SLC25A48: variants seen among roughly 807,000 people sequenced by gnomAD.
SLC25A48 encodes solute carrier family 25 member 48.
SLC25A48 carries 29 observed loss-of-function variants against 32.2 expected under a neutral mutation model. That is an observed-to-expected ratio of 0.90 (90% CI 0.67 to 1.23). The LOEUF (loss-of-function observed/expected upper bound fraction) is 1.23, where lower values mean the gene tolerates loss of function less well. Among genes scored for constraint, SLC25A48 ranks in the 50% most tolerant of loss-of-function variants. The pLI, the probability that SLC25A48 is intolerant of heterozygous loss-of-function variation, is 0.00. For synonymous variants in SLC25A48, 164 were observed against 172.3 expected, an observed-to-expected ratio of 0.95 and a Z score of 0.38; for missense variants, 399 against 422.7, an observed-to-expected ratio of 0.94 and a Z score of 0.49.
intron 3 of SLC25A48, among the ~76,000 whole-genome samples, chr5:135,712,975 T>G (rs1373643261): frequency 1.3e-5 from 2 of 152,208 alleles, no homozygotes; most frequent in Admixed American, 1.3e-4. Flanking sequence ...CCATCAAAAC[T>G]TATCCATCCT....
intron 3 of SLC25A48, among the ~76,000 whole-genome samples, chr5:135,723,739 C>A (rs898466512): frequency 6.6e-6 from 1 of 152,166 alleles, no homozygotes; most frequent in Non-Finnish European, 1.5e-5. Flanking sequence ...ATATCTTAAC[C>A]CTTGCCCTGC....
chr5:135,793,509 T>G (rs116630622), intron 3 of SLC25A48, among the ~76,000 whole-genome samples: 2 of 152,020 alleles, frequency 1.3e-5, no homozygotes, highest in Non-Finnish European at 2.9e-5. Context: ...GTGTTCACCA[T>G]GTTTGTATAC....
chr5:135,733,977 G>A (rs190960648), intron 3 of SLC25A48, among the ~76,000 whole-genome samples: 236 of 152,252 alleles, frequency 1.6e-3, no homozygotes, highest in African/African-American at 4.9e-3. Context: ...TGAACTAACC[G>A]GTAAGGCTTT....
intron 4 of SLC25A48, among the ~76,000 whole-genome samples, chr5:135,816,177 C>A (rs1022332841): frequency 1.3e-5 from 2 of 152,144 alleles, no homozygotes; most frequent in Non-Finnish European, 2.9e-5. Context: ...GGAAACCATC[C>A]CCATCATCCA....
In SLC25A48 at chr5:135,888,448, C is replaced by T; in HGVS notation, c.*424C>T. On this transcript the variant is annotated 3_prime_UTR_variant, in exon 8 of 8. Coordinates refer to ENST00000681962, the MANE Select transcript of SLC25A48 (RefSeq NM_001349336.2). ...AACACGTCCCCGTGCCTCCAGTCTC[C>T]TCTCAGCACCGACCAGGTTTTTCCC... 1 of 209,066 alleles carries T rather than the reference C, an allele frequency of 4.8e-6. No homozygotes were observed. Among genetic ancestry groups the T allele is most frequent in the South Asian group, 1.2e-4 (1 of 8,138 alleles). 13.0% of individuals were successfully genotyped at this position (209,066 alleles called of 1,614,324 possible).
chr5:135,736,596 G>A (rs1230903336), intron 3 of SLC25A48, among the ~76,000 whole-genome samples: 3 of 152,126 alleles, frequency 2.0e-5, no homozygotes, highest in African/African-American at 7.2e-5. Flanking sequence ...GACACAGAGA[G>A]AAGGGGTGGG....
At chr5:135,885,376 G>A (rs1762678369) in intron 7 of SLC25A48, among the ~76,000 whole-genome samples, 1 of 152,120 alleles carries the variant, frequency 6.6e-6, no homozygotes, top group African/African-American at 2.4e-5. Context: ...AGGCTTCCCT[G>A]CCTCTATGCT....
intron 3 of SLC25A48, among the ~76,000 whole-genome samples, chr5:135,763,293 A>G (rs1036823923): frequency 6.6e-6 from 1 of 152,086 alleles, no homozygotes; most frequent in Non-Finnish European, 1.5e-5. Flanking sequence ...CTGGCATACA[A>G]GGTGGTAGCA....
chr5:135,584,118 G>C (rs1751303560), intron 1 of SLC25A48, among the ~76,000 whole-genome samples: 1 of 152,218 alleles, frequency 6.6e-6, no homozygotes, highest in Non-Finnish European at 1.5e-5. Flanking sequence ...ATGTAGGGGG[G>C]CTCTGTTACT....
chr5:135,644,142 C>T (rs929591381), intron 3 of SLC25A48, among the ~76,000 whole-genome samples: 1 of 151,782 alleles, frequency 6.6e-6, no homozygotes, highest in Non-Finnish European at 1.5e-5. Context: ...ATTCATGAGA[C>T]AGACTTTGAA....
chr5:135,870,772 C>A (rs1020955405), intron 4 of SLC25A48, among the ~76,000 whole-genome samples: 2 of 151,986 alleles, frequency 1.3e-5, no homozygotes, highest in African/African-American at 4.8e-5. Context: ...ACATGTATTA[C>A]CTTATTTGCA....
chr5:135,832,513 T>A (rs531650882), upstream of SLC25A48, among the ~76,000 whole-genome samples: 78 of 152,058 alleles, frequency 5.1e-4, no homozygotes, highest in Non-Finnish European at 9.7e-4. Context: ...TGGGGCTGTG[T>A]AGACTAAAGG....
intron 4 of SLC25A48, among the ~76,000 whole-genome samples, chr5:135,853,941 C>T (rs1302160152): frequency 3.3e-5 from 5 of 152,156 alleles, no homozygotes; most frequent in African/African-American, 7.2e-5. Flanking sequence ...CACGGGCTGC[C>T]GAATGGATGC....
At position 135,852,795 on chromosome 5, in the gene SLC25A48, A is replaced by C. The variant is rs1760005546; in HGVS notation, c.395A>C (p.Gln132Pro). 6.2e-7 allele frequency: 1 copy of C among 1,611,788 alleles called. No homozygotes were observed. Among genetic ancestry groups the C allele is most frequent in the Non-Finnish European group, 8.5e-7 (1 of 1,178,180 alleles). ...GPVDLIKIRL[Q>P]MQTQPFRDAN... ...GTGGACCTCATCAAGATCCGGTTGC[A>C]GATGCAGACACAACCGTTTCGGGAC... is the stretch of plus-strand genomic sequence containing the variant. The change falls in exon 4 of 8, where the codon CAG becomes CCG. Residue 132 changes from glutamine (Q) to proline (P), a missense_variant. Gln to Pro is a moderately conservative substitution (Grantham distance 76). Coordinates refer to ENST00000681962, the MANE Select transcript of SLC25A48 (RefSeq NM_001349336.2).
chr5:135,798,614 C>T (rs563969243), intron 3 of SLC25A48, among the ~76,000 whole-genome samples: 23 of 151,452 alleles, frequency 1.5e-4, no homozygotes, highest in African/African-American at 5.6e-4. Context: ...TTAATATCCC[C>T]AAAATTTTGC....
At chr5:135,698,989 A>G (rs1366035487) in intron 3 of SLC25A48, among the ~76,000 whole-genome samples, 1 of 152,230 alleles carries the variant, frequency 6.6e-6, no homozygotes, top group Non-Finnish European at 1.5e-5. Context: ...CCATCCTAAA[A>G]TATTAACTCA....
intron 3 of SLC25A48, among the ~76,000 whole-genome samples, chr5:135,755,683 T>C (rs759608526): frequency 1.6e-4 from 25 of 152,018 alleles, no homozygotes; most frequent in Non-Finnish European, 3.1e-4. Flanking sequence ...ATTAATTAAA[T>C]ATTGCTGTGG....
At chr5:135,720,448 T>C (rs1754924990) in intron 3 of SLC25A48, among the ~76,000 whole-genome samples, 1 of 152,236 alleles carries the variant, frequency 6.6e-6, no homozygotes, top group Non-Finnish European at 1.5e-5. Flanking sequence ...CCACCTAAAC[T>C]GTGCCACCCC....
At chr5:135,641,714 C>T (rs1037690892) in intron 3 of SLC25A48, among the ~76,000 whole-genome samples, 12 of 152,196 alleles carry the variant, frequency 7.9e-5, no homozygotes, top group East Asian at 3.9e-4. Context: ...TAAACTCCAG[C>T]GCTGTTTCTT....
Sources: allele counts gnomAD v4.1 joint callset (sites outside exome capture counted in the v4.1 genomes callset), GRCh38; gene constraint gnomAD v4.1.1; transcripts MANE v1.5; gene names NCBI Gene and HGNC (gene_info 2026-07-23, HGNC 2026-07-21).